COLEC10: variants seen among roughly 807,000 people sequenced by gnomAD.
COLEC10 encodes collectin subfamily member 10.
In COLEC10, 22 loss-of-function variants were observed where a neutral mutation model predicts 28.4. The ratio of observed to expected loss-of-function variants is 0.78; its 90% confidence interval spans 0.55 to 1.11. The LOEUF (loss-of-function observed/expected upper bound fraction) is 1.11. Ranked by LOEUF, COLEC10 falls within the 50% of genes least tolerant of loss-of-function variation. The probability of loss-of-function intolerance (pLI) is 0.00; values close to 1 mark genes in which losing one functional copy is unlikely to be tolerated. For synonymous variants in COLEC10, 125 were observed against 116.1 expected (o/e 1.08, Z -0.49); for missense variants, 361 against 344.1 (o/e 1.05, Z -0.39).
intron 3 of COLEC10, among the ~76,000 whole-genome samples, chr8:119,096,986 C>G (rs986018000): frequency 6.6e-6 from 1 of 152,002 alleles, no homozygotes; most frequent in South Asian, 2.1e-4. Flanking sequence ...AATATATGGA[C>G]ACAGTATTGG....
At chr8:119,052,826 G>A (rs116127700) in intron 2 of COLEC10, among the ~76,000 whole-genome samples, 38 of 152,190 alleles carry the variant, frequency 2.5e-4, no homozygotes, top group African/African-American at 8.9e-4. Flanking sequence ...AACAAATTTA[G>A]TTGAAGGCAA....
chr8:119,054,596 T>A (rs1030596506), intron 2 of COLEC10, among the ~76,000 whole-genome samples: 1 of 152,136 alleles, frequency 6.6e-6, no homozygotes, highest in Non-Finnish European at 1.5e-5. Flanking sequence ...AACCTAGTTA[T>A]ATATCCTTAT....
At chr8:119,037,175 T>G (rs1814404514) in intron 2 of COLEC10, among the ~76,000 whole-genome samples, 1 of 152,216 alleles carries the variant, frequency 6.6e-6, no homozygotes, top group African/African-American at 2.4e-5. Flanking sequence ...CATACAATCT[T>G]CATACATCTC....
the COLEC10 span, among the ~76,000 whole-genome samples, chr8:118,953,846 G>A: frequency 1.3e-5 from 2 of 152,136 alleles, no homozygotes; most frequent in African/African-American, 4.8e-5. Context: ...TGTGACCTCA[G>A]ACTAGTTGCC....
the COLEC10 span, among the ~76,000 whole-genome samples, chr8:118,961,089 C>T: frequency 1.4e-4 from 21 of 152,210 alleles, no homozygotes; most frequent in African/African-American, 5.1e-4. Flanking sequence ...ACCAATAAAA[C>T]ATTATTTGAT....
chr8:118,968,887 T>C, the COLEC10 span, among the ~76,000 whole-genome samples: 1 of 152,012 alleles, frequency 6.6e-6, no homozygotes, highest in Non-Finnish European at 1.5e-5. Context: ...TTTTCTGCTC[T>C]TGTTAGTTTC....
At chr8:118,970,312 G>T in the COLEC10 span, among the ~76,000 whole-genome samples, 2 of 151,960 alleles carry the variant, frequency 1.3e-5, no homozygotes, top group East Asian at 3.9e-4. Flanking sequence ...GTCTGTGGGG[G>T]TACATTCAAT....
intron 5 of COLEC10, 33 bp from the exon 6 acceptor site, chr8:119,105,767 T>C (rs1815924216): frequency 6.4e-7 from 1 of 1,553,312 alleles, no homozygotes; most frequent in African/African-American, 1.4e-5. Flanking sequence ...CTTTTTGAGA[T>C]ACGTAATGAT....
At chr8:119,091,317 G>A in intron 3 of COLEC10, 97 bp downstream of exon 3, 1 of 852,832 alleles carries the variant, frequency 1.2e-6, no homozygotes, top group Non-Finnish European at 1.9e-6. Context: ...AGAGACCGAG[G>A]TGGGAGGATA....
At chr8:118,975,791 A>G in the COLEC10 span, among the ~76,000 whole-genome samples, 3 of 152,088 alleles carry the variant, frequency 2.0e-5, no homozygotes, top group African/African-American at 7.2e-5. Flanking sequence ...AAGTAGAGGA[A>G]GAATGACCAG....
upstream of COLEC10, among the ~76,000 whole-genome samples, chr8:118,991,899 T>C (rs1295350403): frequency 6.6e-6 from 1 of 152,186 alleles, no homozygotes; most frequent in Admixed American, 6.6e-5. Context: ...GTATTATTAT[T>C]CTTGTTTTAC....
intron 2 of COLEC10, among the ~76,000 whole-genome samples, chr8:119,018,307 T>G (rs539407420): frequency 6.6e-6 from 1 of 152,306 alleles, no homozygotes; most frequent in Non-Finnish European, 1.5e-5. Context: ...TTTTTCTGTG[T>G]GTTCTTAAAG....
intron 2 of COLEC10, among the ~76,000 whole-genome samples, chr8:119,012,309 G>C (rs1437433103): frequency 6.6e-6 from 1 of 150,460 alleles, no homozygotes. Context: ...TGCATACCTG[G>C]GATAAACTCA....
At chr8:119,058,067 C>G (rs1437999898) in intron 2 of COLEC10, among the ~76,000 whole-genome samples, 1 of 151,964 alleles carries the variant, frequency 6.6e-6, no homozygotes, top group Admixed American at 6.6e-5. Context: ...GACATTATAT[C>G]AGGGCATATA....
In COLEC10 at chr8:119,067,399, GC is replaced by G; in HGVS notation, c.120del (p.Thr41HisfsTer102). ...TAGCCGTCCTACCGCTGAAGTCTGT[GC>G]CACACACACAATTTCACCAGGACCC... ...IDSRPTAEVC[A>X]THTISPGPKG... On this transcript the variant is annotated frameshift_variant, in exon 1 of 6. Transcript: ENST00000332843. LOFTEE classifies it high-confidence loss of function. 2 of 1,613,922 alleles carry G rather than the reference GC, an allele frequency of 1.2e-6. No individual in the cohort carries two copies. The highest frequency in any genetic ancestry group is 1.7e-6 in the Non-Finnish European group (2 of 1,179,920).
At chr8:119,016,880 C>G (rs1407174063) in intron 2 of COLEC10, among the ~76,000 whole-genome samples, 1 of 152,110 alleles carries the variant, frequency 6.6e-6, no homozygotes, top group African/African-American at 2.4e-5. Context: ...CCACGCCCAG[C>G]TAATTCTTGT....
intron 2 of COLEC10, among the ~76,000 whole-genome samples, chr8:119,060,177 A>T (rs547617422): frequency 6.6e-6 from 1 of 152,212 alleles, no homozygotes; most frequent in East Asian, 1.9e-4. Context: ...CAGTAATAAA[A>T]TTTTTAAAAA....
upstream of COLEC10, among the ~76,000 whole-genome samples, chr8:118,992,038 C>T (rs543815500): frequency 1.3e-5 from 2 of 152,168 alleles, no homozygotes; most frequent in South Asian, 4.1e-4. Flanking sequence ...TTTGATTCTG[C>T]TACTTACATA....
rs1260039140 is a variant in COLEC10, at chr8:119,048,800, T to G, written n.235+39247T>G. Among the ~76,000 whole-genome samples, 3 of 151,744 alleles carry G rather than the reference T, an allele frequency of 2.0e-5. No individual in the cohort carries two copies. In the East Asian group the frequency reaches 5.8e-4, roughly 29 times the overall value. ...CTTCTCTTTTTATCCAGCTTGCCAC[T>G]CTATAGCTTTTAAATGGGGCATTTA... On this transcript the variant is annotated intron_variant and non_coding_transcript_variant, in intron 2 of 6. Transcript: ENST00000521788.
Sources: gnomAD v4.1 joint callset for allele counts (sites outside exome capture counted in the v4.1 genomes callset) on GRCh38, gnomAD v4.1.1 for gene constraint, MANE v1.5 for transcripts, NCBI Gene and HGNC (gene_info 2026-07-23, HGNC 2026-07-21) for gene names.